The following MAP3K9 variants were observed in gnomAD, a reference collection of about 807,000 sequenced individuals.
The protein encoded by MAP3K9 is mitogen-activated protein kinase kinase kinase 9.
MAP3K9 carries 46 observed loss-of-function variants against 95.8 expected under a neutral mutation model. That is an observed-to-expected ratio of 0.48 (90% CI 0.38 to 0.61). The LOEUF is 0.61. Ranked by LOEUF, MAP3K9 falls within the 20% of genes least tolerant of loss-of-function variation. The pLI is 0.00. For missense variants in MAP3K9, 1,296 were observed against 1,474.3 expected (o/e 0.88, Z 1.98); for synonymous variants, 533 against 593.8 (o/e 0.90, Z 1.49).
In MAP3K9 at chr14:70,776,095, A is replaced by T. The variant is rs1201546689; in HGVS notation, c.821-14913T>A. Among the ~76,000 whole-genome samples, 3 of 152,330 alleles carry T rather than the reference A, an allele frequency of 2.0e-5. No homozygotes were observed. The South Asian group carries it at 6.2e-4, about 32-fold the overall frequency. On this transcript the variant is annotated intron_variant, in intron 2 of 11. Coordinates refer to ENST00000554752, the MANE Select transcript of MAP3K9 (RefSeq NM_001284230.2). ...TCCCAGCTTCTCGGGAGGCTGAGGC[A>T]GGAGAATCGCTTGAACCCGGGAGGT...
chr14:70,745,637 C>A (rs1007428145), intron 5 of MAP3K9, among the ~76,000 whole-genome samples: 1 of 151,906 alleles, frequency 6.6e-6, no homozygotes, highest in Non-Finnish European at 1.5e-5. Flanking sequence ...ACTTGGGAGG[C>A]TGAGGCAGGA....
At chr14:70,734,244 T>C in intron 10 of MAP3K9, 142 bp downstream of exon 10, 1 of 677,182 alleles carries the variant, frequency 1.5e-6, no homozygotes, top group Non-Finnish European at 2.6e-6. Context: ...TCTAGAACAC[T>C]GAACATTCTA....
chr14:70,788,463 C>T (rs368611323), intron 2 of MAP3K9, among the ~76,000 whole-genome samples: 12 of 152,124 alleles, frequency 7.9e-5, no homozygotes, highest in South Asian at 2.1e-4. Flanking sequence ...TCATTATTCC[C>T]GCTTTACATC....
At chr14:70,768,386 T>C (rs1474691003) in intron 2 of MAP3K9, among the ~76,000 whole-genome samples, 1 of 152,118 alleles carries the variant, frequency 6.6e-6, no homozygotes, top group East Asian at 1.9e-4. Flanking sequence ...GAGTAACCTG[T>C]ACAAACAAAT....
intron 2 of MAP3K9, among the ~76,000 whole-genome samples, chr14:70,774,983 CAAAAAAAAAAAAAAAA>C (rs60144338): frequency 5.4e-5 from 3 of 55,114 alleles, no homozygotes; most frequent in East Asian, 7.5e-4. Flanking sequence ...ACTCTGTCCC[CAAAAAAAAAAAAAAAA>C]AAAAAAAAAA....
chr14:70,763,048 GA>G (rs1195571502), intron 2 of MAP3K9, among the ~76,000 whole-genome samples: 1 of 152,236 alleles, frequency 6.6e-6, no homozygotes, highest in East Asian at 1.9e-4. Flanking sequence ...GAGTGGAAGA[GA>G]AAGGTTATAT....
Position 70,738,226 on chromosome 14 carries a change from C to T in MAP3K9, c.1844+19G>A. On this transcript the variant is annotated intron_variant, in intron 8 of 11. Coordinates refer to ENST00000554752, the MANE Select transcript of MAP3K9 (RefSeq NM_001284230.2). The stretch of plus-strand genomic sequence containing the variant: ...TCCATCTTCAAGAGAGAAAGAATTT[C>T]ATGTCATCTGGCACTTACCCTTCAT... The T allele has an allele frequency of 6.3e-7, 1 of 1,585,876 alleles. No individual in the cohort carries two copies. Among genetic ancestry groups the T allele is most frequent in the Non-Finnish European group, 8.6e-7 (1 of 1,165,046 alleles).
chr14:70,767,492 G>A (rs867969555), intron 2 of MAP3K9, among the ~76,000 whole-genome samples: 2 of 151,566 alleles, frequency 1.3e-5, no homozygotes, highest in South Asian at 4.2e-4. Flanking sequence ...TCTTATTGTT[G>A]CCAGGTATTG....
intron 2 of MAP3K9, among the ~76,000 whole-genome samples, chr14:70,778,426 C>T (rs1471695289): frequency 6.6e-6 from 1 of 152,112 alleles, no homozygotes; most frequent in Non-Finnish European, 1.5e-5. Context: ...CAGGTATGTG[C>T]CACCACACCT....
At position 70,733,287 on chromosome 14, in the gene MAP3K9, G is replaced by C; in HGVS notation, c.2082C>G (p.Pro694=). 1 of 1,606,488 alleles carries C rather than the reference G, an allele frequency of 6.2e-7. No homozygotes were observed. The highest frequency in any genetic ancestry group is 8.5e-7 in the Non-Finnish European group (1 of 1,174,954). ...ATGGGATACAGAGGTAGGACTGGCT[G>C]GGTGAATGCTGTAGGCGACTCTCTC... ...GSGESRLQHS[P]SQSYLCIPFP... The change falls in exon 11 of 12, where the codon CCC becomes CCG. Residue 694 remains proline, a synonymous_variant. Transcript: ENST00000554752.
At chr14:70,763,741 A>G (rs1428520921) in intron 2 of MAP3K9, among the ~76,000 whole-genome samples, 2 of 152,052 alleles carry the variant, frequency 1.3e-5, no homozygotes, top group Non-Finnish European at 2.9e-5. Flanking sequence ...TTCATTGTCC[A>G]GGCTGGTCTC....
chr14:70,784,951 G>A (rs1213115313), intron 2 of MAP3K9, among the ~76,000 whole-genome samples: 1 of 152,190 alleles, frequency 6.6e-6, no homozygotes, highest in Non-Finnish European at 1.5e-5. Context: ...CAGGTTTAAT[G>A]TCCAGGTCTA....
At chr14:70,734,785 A>G (rs866507577) in intron 9 of MAP3K9, among the ~76,000 whole-genome samples, 1 of 152,222 alleles carries the variant, frequency 6.6e-6, no homozygotes, top group African/African-American at 2.4e-5. Flanking sequence ...AAGAATAAGG[A>G]TGGCCCTGCT....
At chr14:70,800,160 T>C (rs2054912208) in intron 2 of MAP3K9, among the ~76,000 whole-genome samples, 1 of 152,220 alleles carries the variant, frequency 6.6e-6, no homozygotes, top group South Asian at 2.1e-4. Flanking sequence ...CAGGAAGTCA[T>C]GCTCTCCAAA....
intron 10 of MAP3K9, among the ~76,000 whole-genome samples, chr14:70,734,079 A>G (rs1038256336): frequency 6.6e-6 from 1 of 152,086 alleles, no homozygotes; most frequent in Non-Finnish European, 1.5e-5. Context: ...GGCTTTTCTC[A>G]TTCTCCAGCT....
Position 70,725,902 on chromosome 14 carries a change from A to C in MAP3K9, c.*4478T>G, listed in dbSNP as rs573343035. On this transcript the variant is annotated 3_prime_UTR_variant, in exon 12 of 12. Coordinates refer to ENST00000554752, the MANE Select transcript of MAP3K9 (RefSeq NM_001284230.2). Reference sequence around the variant, plus strand: ...GGCAAGGCTGCAGTTTCTGTGCAGGACTCATGGCCCCAGGACCATACATTT... The same window carrying C: ...GGCAAGGCTGCAGTTTCTGTGCAGGCCTCATGGCCCCAGGACCATACATTT... 1.3e-5 allele frequency: 2 copies of C among 152,310 alleles called. No individual in the cohort carries two copies. Among genetic ancestry groups the C allele is most frequent in the African/African-American group, 4.8e-5 (2 of 41,520 alleles). 9.4% of individuals were successfully genotyped at this position (152,310 alleles called of 1,614,324 possible). A position where few individuals can be genotyped will look rare whatever the true frequency, so the allele number is the denominator to read the frequency against.
At chr14:70,776,161 C>G (rs945154476) in intron 2 of MAP3K9, among the ~76,000 whole-genome samples, 1 of 152,086 alleles carries the variant, frequency 6.6e-6, no homozygotes, top group African/African-American at 2.4e-5. Context: ...TACACTCCAG[C>G]CTGGGCGACA....
chr14:70,774,090 C>CGTGAAAT, intron 2 of MAP3K9, among the ~76,000 whole-genome samples: 1 of 152,158 alleles, frequency 6.6e-6, no homozygotes, highest in South Asian at 2.1e-4. Context: ...AGTTAATCAA[C>CGTGAAAT]CTGAAATCTA....
intron 2 of MAP3K9, among the ~76,000 whole-genome samples, chr14:70,789,086 C>T (rs1395074666): frequency 1.3e-5 from 2 of 152,200 alleles, no homozygotes; most frequent in Non-Finnish European, 2.9e-5. Flanking sequence ...CCAGCTGTCC[C>T]ATTCAATCAA....
Sources: gnomAD v4.1 joint callset for allele counts (sites outside exome capture counted in the v4.1 genomes callset) on GRCh38, gnomAD v4.1.1 for gene constraint, MANE v1.5 for transcripts, NCBI Gene and HGNC (gene_info 2026-07-23, HGNC 2026-07-21) for gene names.